DDAH1: variants seen among roughly 807,000 people sequenced by gnomAD.
DDAH1 encodes the protein N(G),N(G)-dimethylarginine dimethylaminohydrolase 1.
A neutral mutation model predicts 28.8 loss-of-function variants in DDAH1; 19 were observed. The observed-to-expected ratio is 0.66, with a 90% CI of 0.46 to 0.97. The LOEUF is 0.97. DDAH1 is among the 50% of genes least tolerant of loss of function. DDAH1 has a pLI of 0.00. For missense variants in DDAH1, 326 were observed against 375.9 expected, an observed-to-expected ratio of 0.87 and a Z score of 1.10; for synonymous variants, 153 against 154.4, an observed-to-expected ratio of 0.99 and a Z score of 0.07.
At chr1:85,492,399 A>G (rs886298883) in intron 2 of DDAH1, among the ~76,000 whole-genome samples, 2 of 152,230 alleles carry the variant, frequency 1.3e-5, no homozygotes, top group African/African-American at 2.4e-5. Flanking sequence ...ATAGAAAAAA[A>G]TAAATGCAGA....
At chr1:85,436,020 C>T (rs1402837791) in intron 1 of DDAH1, among the ~76,000 whole-genome samples, 9 of 151,264 alleles carry the variant, frequency 5.9e-5, no homozygotes, top group Admixed American at 5.3e-4. Context: ...AGACTGGTCT[C>T]GAACTCCTGA....
intron 1 of DDAH1, among the ~76,000 whole-genome samples, chr1:85,421,294 T>C (rs917766894): frequency 1.3e-5 from 2 of 152,180 alleles, no homozygotes; most frequent in Admixed American, 1.3e-4. Flanking sequence ...TCTTTTTGTG[T>C]TGTATCTTTT....
rs1655250608 is a variant in DDAH1 at position 85,464,256 on chromosome 1, ACCGACACC to A, written c.303+479_303+486del. Among the ~76,000 whole-genome samples, 1 of 152,132 alleles carries A rather than the reference ACCGACACC, an allele frequency of 6.6e-6. No homozygotes were observed. The highest frequency in any genetic ancestry group is 2.1e-4 in the South Asian group (1 of 4,832). On this transcript the variant is annotated intron_variant, in intron 1 of 5. Coordinates refer to ENST00000284031, the MANE Select transcript of DDAH1 (RefSeq NM_012137.4). The surrounding 1 kb of genome is among the most constrained non-coding windows in gnomAD (Gnocchi z 4.4). The stretch of plus-strand genomic sequence containing the variant: ...CTTGAGAAGCCCCAGGTCTGTGGGC[ACCGACACC>A]CCGTTAATTCATCCAGCTTGTCCTG...
At chr1:85,543,968 T>C (rs950344835) in intron 1 of DDAH1, among the ~76,000 whole-genome samples, 1 of 152,124 alleles carries the variant, frequency 6.6e-6, no homozygotes, top group African/African-American at 2.4e-5. Flanking sequence ...AAAGACTACC[T>C]CTAAAAACAT....
At chr1:85,387,658 A>C (rs1431676635) in intron 1 of DDAH1, among the ~76,000 whole-genome samples, 8 of 152,106 alleles carry the variant, frequency 5.3e-5, no homozygotes, top group Non-Finnish European at 8.8e-5. Context: ...TGAGCCCTCC[A>C]AACTCTTCCA....
intron 1 of DDAH1, among the ~76,000 whole-genome samples, chr1:85,515,032 C>CACACAT (rs1553144275): frequency 1.3e-5 from 2 of 149,848 alleles, no homozygotes; most frequent in African/African-American, 4.9e-5. Context: ...CACACACACA[C>CACACAT]ATATATGTTT....
At chr1:85,351,646 TATAA>T in intron 2 of DDAH1, 67 bp from the exon 3 acceptor site, 2 of 1,180,726 alleles carry the variant, frequency 1.7e-6, no homozygotes, top group Non-Finnish European at 2.5e-6. Context: ...TTCTTTTATC[TATAA>T]ATAATGACCT....
At chr1:85,528,915 AGT>A (rs1657984130) in intron 1 of DDAH1, among the ~76,000 whole-genome samples, 1 of 150,694 alleles carries the variant, frequency 6.6e-6, no homozygotes, top group African/African-American at 2.4e-5. Flanking sequence ...GGGAGGTTGC[AGT>A]GAGCCGAGAT....
intron 1 of DDAH1, among the ~76,000 whole-genome samples, chr1:85,572,766 T>C (rs1272981850): frequency 6.6e-6 from 1 of 152,174 alleles, no homozygotes; most frequent in Non-Finnish European, 1.5e-5. Flanking sequence ...TCCTATCATC[T>C]CATAGATGAG....
chr1:85,423,658 A>G (rs1006738568), intron 1 of DDAH1, among the ~76,000 whole-genome samples: 36 of 152,180 alleles, frequency 2.4e-4, no homozygotes, highest in African/African-American at 8.7e-4. Context: ...ATCTTGCTAT[A>G]CTTCCTTATT....
intron 1 of DDAH1, among the ~76,000 whole-genome samples, chr1:85,520,266 CATATAAA>C (rs1657635517): frequency 6.6e-6 from 1 of 152,126 alleles, no homozygotes; most frequent in Admixed American, 6.6e-5. Context: ...CTTTTCTGTG[CATATAAA>C]ATATTTTGAA....
At chr1:85,321,604 G>A (rs781744286) in intron 5 of DDAH1, 36 bp from the exon 6 acceptor site, 9 of 1,482,166 alleles carry the variant, frequency 6.1e-6, no homozygotes, top group Non-Finnish European at 8.5e-6. Flanking sequence ...AGAAAAGAAG[G>A]ATTATGTTTT....
intron 1 of DDAH1, among the ~76,000 whole-genome samples, chr1:85,463,743 A>T (rs1655226771): frequency 6.6e-6 from 1 of 152,220 alleles, no homozygotes; most frequent in Admixed American, 6.5e-5. Flanking sequence ...TAGAAAAAAA[A>T]TTCTTAAATC....
At chr1:85,521,661 G>A (rs1657695686) in intron 1 of DDAH1, 1 of 984,564 alleles carries the variant, frequency 1.0e-6, no homozygotes, top group South Asian at 4.7e-5. Flanking sequence ...GTCACCAGCT[G>A]TGCTGCCTGG....
At chr1:85,412,117 T>A (rs545052642) in intron 1 of DDAH1, among the ~76,000 whole-genome samples, 14 of 152,332 alleles carry the variant, frequency 9.2e-5, no homozygotes, top group South Asian at 4.1e-4. Context: ...AATATTTTTT[T>A]AAAAAATTAA....
chr1:85,527,456 A>G (rs1227724767), intron 1 of DDAH1, among the ~76,000 whole-genome samples: 8 of 152,380 alleles, frequency 5.3e-5, no homozygotes, highest in African/African-American at 1.9e-4. Context: ...TTTATGGTTC[A>G]TGATGAAGAA....
chr1:85,454,881 A>T (rs997592706), intron 1 of DDAH1, among the ~76,000 whole-genome samples: 1 of 152,166 alleles, frequency 6.6e-6, no homozygotes, highest in Non-Finnish European at 1.5e-5. Context: ...AGACTCAGAG[A>T]TTAGGGAGGC....
chr1:85,404,861 G>A (rs1007827311), intron 1 of DDAH1, among the ~76,000 whole-genome samples: 6 of 152,222 alleles, frequency 3.9e-5, no homozygotes, highest in Admixed American at 6.5e-5. Context: ...TGCAACTTAA[G>A]TCAGTTCATG....
chr1:85,549,836 C>T (rs1570666568), intron 1 of DDAH1, among the ~76,000 whole-genome samples: 1 of 152,144 alleles, frequency 6.6e-6, no homozygotes, highest in East Asian at 1.9e-4. Flanking sequence ...TTCTTCCCAC[C>T]TTGGAAGAGT....
Sources: gnomAD v4.1 joint callset for allele counts (sites outside exome capture counted in the v4.1 genomes callset) on GRCh38, gnomAD v4.1.1 for gene constraint, Gnocchi (gnomAD v3.1) non-coding constraint, MANE v1.5 for transcripts, NCBI Gene and HGNC (gene_info 2026-07-23, HGNC 2026-07-21) for gene names.